GXYLT2: variants seen among roughly 807,000 people sequenced by gnomAD.
The protein encoded by GXYLT2 is glucoside xylosyltransferase 2, also known as glycosyltransferase 8 domain containing 4.
Under a neutral mutation model 45.8 loss-of-function variants are expected in GXYLT2, and 53 were observed. The observed-to-expected ratio is 1.16, with a 90% CI of 0.93 to 1.46. The LOEUF is 1.46. Ranked by LOEUF, GXYLT2 falls within the 40% of genes most tolerant of loss-of-function variation. GXYLT2 has a pLI of 0.00. For synonymous variants in GXYLT2, 219 were observed against 214.2 expected (o/e 1.02, Z -0.19); for missense variants, 551 against 544.4 (o/e 1.01, Z -0.12).
Position 72,922,374 on chromosome 3 carries a change from T to G in GXYLT2, c.600+39T>G, listed in dbSNP as rs112637107. The G allele has an allele frequency of 1.8e-4, 293 of 1,589,134 alleles. No homozygotes were observed. In the African/African-American group the frequency reaches 3.1e-3, roughly 17 times the overall value. On this transcript the variant is annotated intron_variant, in intron 3 of 6. Transcript: ENST00000389617. ...TTTTTAATAAGTTGTAGCTTGCTCCTGGAAATAAGGTAAAATTAGCTGAGA... is the reference window on the plus strand; with the variant it reads ...TTTTTAATAAGTTGTAGCTTGCTCCGGGAAATAAGGTAAAATTAGCTGAGA...
rs1256547273 is a variant in GXYLT2 at position 72,952,429 on chromosome 3, G to A, written c.601-2669G>A. Among the ~76,000 whole-genome samples, 61 of 152,092 alleles carry A rather than the reference G, an allele frequency of 4.0e-4. 2 individuals are homozygous for A. The highest frequency in any genetic ancestry group is 4.0e-3 in the Admixed American group (61 of 15,254). The stretch of plus-strand genomic sequence containing the variant: ...AAAGATAAATCCTGTGGCTAATTCT[G>A]TGGGCTTCAGAATTACTCAGGTCTG... On this transcript the variant is annotated intron_variant, in intron 3 of 6. Transcript: ENST00000389617.
At chr3:72,955,050 T>C (rs1306803383) in intron 3 of GXYLT2, 48 bp from the exon 4 acceptor site, 1 of 1,589,512 alleles carries the variant, frequency 6.3e-7, no homozygotes. Flanking sequence ...GTTTTTGTTT[T>C]GTTTTCTTCC....
intron 1 of GXYLT2, among the ~76,000 whole-genome samples, chr3:72,906,462 T>C (rs549283965): frequency 6.6e-6 from 1 of 152,314 alleles, no homozygotes; most frequent in South Asian, 2.1e-4. Flanking sequence ...TGCTTCACTA[T>C]GTATTACCTT....
At chr3:72,967,432 T>C in intron 5 of GXYLT2, 115 bp from the exon 6 acceptor site, 1 of 793,780 alleles carries the variant, frequency 1.3e-6, no homozygotes, top group Non-Finnish European at 2.0e-6. Flanking sequence ...ATCACACTCC[T>C]GTACTTTGAA....
At chr3:72,897,849 T>G (rs1323136934) in intron 1 of GXYLT2, among the ~76,000 whole-genome samples, 1 of 152,228 alleles carries the variant, frequency 6.6e-6, no homozygotes, top group African/African-American at 2.4e-5. Context: ...ATCTCACAAT[T>G]TGAACCATTT....
chr3:72,915,717 T>C (rs936946952), intron 2 of GXYLT2, among the ~76,000 whole-genome samples: 5 of 152,076 alleles, frequency 3.3e-5, no homozygotes, highest in African/African-American at 1.2e-4. Context: ...GCGCCTGTAA[T>C]CCTAGCTATT....
chr3:72,955,378 T>C, intron 4 of GXYLT2, 29 bp downstream of exon 4: 2 of 1,607,528 alleles, frequency 1.2e-6, no homozygotes, highest in South Asian at 1.1e-5. Context: ...ATTCCTTGTT[T>C]AAAGACTGGG....
Position 72,959,191 on chromosome 3 carries a change from C to T in GXYLT2, c.976+1839C>T, listed in dbSNP as rs538257882. Among the ~76,000 whole-genome samples the T allele has an allele frequency of 3.5e-5, 5 of 140,890 alleles. No homozygotes were observed. In the East Asian group the frequency reaches 9.1e-4, roughly 26 times the overall value. 92.4% of individuals were successfully genotyped at this position (140,890 alleles called of 152,430 possible). ...GGAGTGCAGTGGCATGATCTCGGCT[C>T]ACTGTAACTTCTGCCTCCCAGGTTT... On this transcript the variant is annotated intron_variant, in intron 5 of 6. Coordinates refer to ENST00000389617, the MANE Select transcript of GXYLT2 (RefSeq NM_001080393.2).
intron 2 of GXYLT2, among the ~76,000 whole-genome samples, chr3:72,920,226 C>G (rs1037053085): frequency 6.6e-6 from 1 of 152,136 alleles, no homozygotes; most frequent in Non-Finnish European, 1.5e-5. Context: ...CCTCCGCCTT[C>G]CGAGTTGATG....
chr3:72,956,868 C>T (rs955009149), intron 4 of GXYLT2, among the ~76,000 whole-genome samples: 4 of 140,212 alleles, frequency 2.9e-5, no homozygotes, highest in South Asian at 2.3e-4. Flanking sequence ...CCAGCCTGGG[C>T]GACAGAGCAA....
intron 5 of GXYLT2, among the ~76,000 whole-genome samples, chr3:72,961,544 C>T (rs962881951): frequency 3.3e-5 from 5 of 151,220 alleles, no homozygotes; most frequent in African/African-American, 4.9e-5. Flanking sequence ...TCTCTCAGAC[C>T]ACATTCTCTG....
chr3:72,960,741 GT>G (rs10671733), intron 5 of GXYLT2, among the ~76,000 whole-genome samples: 1 of 151,826 alleles, frequency 6.6e-6, no homozygotes, highest in Admixed American at 6.6e-5. Flanking sequence ...ACATTGTAAG[GT>G]TTCTCTTCAT....
At chr3:72,916,805 A>T (rs1401728152) in intron 2 of GXYLT2, among the ~76,000 whole-genome samples, 1 of 150,930 alleles carries the variant, frequency 6.6e-6, no homozygotes, top group African/African-American at 2.4e-5. Context: ...TACAGATGTG[A>T]GCCACCTCGC....
rs565714860 is a variant in GXYLT2, at chr3:72,909,235, A to T, written c.468+676A>T. On this transcript the variant is annotated intron_variant, in intron 2 of 6. Transcript: ENST00000389617. ...AGGACTGTGCCCCCATGCCTGGCTA[A>T]TTTTTGTATTTTTAGTAGAGATGGG... Among the ~76,000 whole-genome samples the T allele has an allele frequency of 8.6e-5, 13 of 150,626 alleles. No homozygotes were observed. In the East Asian group the frequency reaches 2.6e-3, roughly 30 times the overall value.
chr3:72,929,233 G>A, intron 3 of GXYLT2: 8 of 1,559,476 alleles, frequency 5.1e-6, no homozygotes, highest in South Asian at 1.1e-5. Flanking sequence ...ATGAGGAGAG[G>A]GAACATGCCG....
At position 72,951,820 on chromosome 3, in the gene GXYLT2, A is replaced by AT. The variant is rs58804695; in HGVS notation, c.601-3271dup. Reference sequence around the variant, plus strand: ...TTTTTTGTTTTGTTTTGTTTTGTTTATTTTTTTGTTTTTTTGTTTTGTTTT... The same window carrying AT: ...TTTTTTGTTTTGTTTTGTTTTGTTTATTTTTTTTGTTTTTTTGTTTTGTTTT... On this transcript the variant is annotated intron_variant, in intron 3 of 6. Transcript: ENST00000389617. 3.5e-3 allele frequency among the ~76,000 whole-genome samples: 531 copies of AT among 151,602 alleles called. 5 individuals carry two copies. The highest frequency in any genetic ancestry group is 0.012 in the African/African-American group (486 of 41,330).
Position 72,888,472 on chromosome 3 carries a change from G to A in GXYLT2, c.239G>A (p.Gly80Asp). 8.0e-7 allele frequency: 1 copy of A among 1,249,150 alleles called. No individual in the cohort carries two copies. Among genetic ancestry groups the A allele is most frequent in the Non-Finnish European group, 1.0e-6 (1 of 992,356 alleles). 77.4% of individuals were successfully genotyped at this position (1,249,150 alleles called of 1,614,324 possible). Reference protein sequence around the residue: ...RRPPRPRPRAGRRGAARLEKL... With the variant: ...RRPPRPRPRADRRGAARLEKL... ...CCCCCGCGTCCGCGCCCCCGAGCGG[G>A]CCGCCGGGGCGCTGCGAGACTGGAG... The change falls in exon 1 of 7, where the codon GGC (glycine) becomes GAC (aspartate). Residue 80 changes from glycine (G) to aspartate (D), a missense_variant. Gly to Asp is a moderately conservative substitution (Grantham distance 94). Transcript: ENST00000389617.
Position 72,912,013 on chromosome 3 carries a change from A to ATATATAT in GXYLT2, c.468+3455_468+3456insATATATT, listed in dbSNP as rs1156864738. Among the ~76,000 whole-genome samples the ATATATAT allele has an allele frequency of 3.8e-3, 442 of 114,822 alleles. 6 individuals are homozygous for ATATATAT. The highest frequency in any genetic ancestry group is 0.017 in the African/African-American group (420 of 25,094). The allele number at this position is 114,822 out of a possible 152,430, so 75.3% of individuals were successfully genotyped here. Reference sequence around the variant, plus strand: ...TGTGTGTATATATATATATATATATATTTTTTTTTTTTTTTGAGACAGCGT... The same window carrying ATATATAT: ...TGTGTGTATATATATATATATATATATATATATTTTTTTTTTTTTTTTGAGACAGCGT... On this transcript the variant is annotated intron_variant, in intron 2 of 6. Coordinates refer to ENST00000389617, the MANE Select transcript of GXYLT2 (RefSeq NM_001080393.2).
rs193105621 is a variant in GXYLT2, at chr3:72,943,548, T to C, written c.601-11550T>C. 7.1e-3 allele frequency among the ~76,000 whole-genome samples: 1,060 copies of C among 150,326 alleles called. 10 individuals are homozygous for C. Among genetic ancestry groups the C allele is most frequent in the African/African-American group, 0.025 (1,016 of 41,030 alleles). ...CGCCCCACCACGCCTGGCTAACTTT[T>C]TATTTTTTTGTAGAGATGGGGTTTC... On this transcript the variant is annotated intron_variant, in intron 3 of 6. Coordinates refer to ENST00000389617, the MANE Select transcript of GXYLT2 (RefSeq NM_001080393.2).
Sources: allele counts gnomAD v4.1 joint callset (sites outside exome capture counted in the v4.1 genomes callset), GRCh38; gene constraint gnomAD v4.1.1; transcripts MANE v1.5; gene names NCBI Gene and HGNC (gene_info 2026-07-23, HGNC 2026-07-21).